TMF1: variants seen among roughly 807,000 people sequenced by gnomAD.
TMF1 encodes the protein TATA element modulatory factor.
Under a neutral mutation model 126.5 loss-of-function variants are expected in TMF1, and 71 were observed. That is an observed-to-expected ratio of 0.56 (90% confidence interval 0.46 to 0.68). The LOEUF is 0.68. Ranked by LOEUF, TMF1 falls within the 30% of genes least tolerant of loss-of-function variation. The pLI is 0.00. For missense variants in TMF1, 1,259 were observed against 1,253.2 expected, an observed-to-expected ratio of 1.00 and a Z score of -0.07; for synonymous variants, 461 against 430.5, an observed-to-expected ratio of 1.07 and a Z score of -0.88.
chr3:69,044,520 G>C lies in TMF1; in HGVS notation c.1423C>G (p.Leu475Val). Residue 475 changes from leucine to valine, a missense_variant, in exon 3 of 17, where the codon CTA becomes GTA. Coordinates refer to ENST00000398559, the MANE Select transcript of TMF1 (RefSeq NM_007114.3). Reference protein sequence around the residue: ...LLSLSKEKALLEEAFDNLKDE... With the variant: ...LLSLSKEKALVEEAFDNLKDE... ...TTCAGGTTATCAAAAGCTTCTTCTA[G>C]AAGTGCTTTTTCCTTACTAAGAGAT... 1 of 1,597,330 alleles carries C rather than the reference G, an allele frequency of 6.3e-7. No homozygotes were observed. Among genetic ancestry groups the C allele is most frequent in the South Asian group, 1.1e-5 (1 of 87,402 alleles).
chr3:69,049,856 T>G (rs1280144695), intron 1 of TMF1, among the ~76,000 whole-genome samples: 1 of 152,238 alleles, frequency 6.6e-6, no homozygotes, highest in Non-Finnish European at 1.5e-5. Flanking sequence ...AATTAAAATG[T>G]GGCTGAACAA....
chr3:69,027,881 C>T lies in TMF1; in HGVS notation c.2757+19G>A, dbSNP rs193275199. 5.3e-4 allele frequency: 751 copies of T among 1,408,496 alleles called. 5 individuals carry two copies. The African/African-American group carries it at 9.5e-3, about 18-fold the overall frequency. 87.2% of individuals were successfully genotyped at this position (1,408,496 alleles called of 1,614,324 possible). On this transcript the variant is annotated intron_variant, in intron 13 of 16. Coordinates refer to ENST00000398559, the MANE Select transcript of TMF1 (RefSeq NM_007114.3). ...ACTAAATGGTTACACCACAAACAAACAAAAACAAAATTCAATACCTTTTCT... is the reference window on the plus strand; with the variant it reads ...ACTAAATGGTTACACCACAAACAAATAAAAACAAAATTCAATACCTTTTCT...
At chr3:69,047,122 T>C (rs2091899713) in intron 2 of TMF1, among the ~76,000 whole-genome samples, 1 of 152,182 alleles carries the variant, frequency 6.6e-6, no homozygotes, top group African/African-American at 2.4e-5. Context: ...GATGAAAACT[T>C]TCATGCTTAA....
intron 6 of TMF1, 83 bp from the exon 7 acceptor site, chr3:69,039,092 T>G: frequency 9.1e-7 from 1 of 1,095,542 alleles, no homozygotes; most frequent in Middle Eastern, 3.1e-4. Flanking sequence ...TCTATAATAA[T>G]GGAGAAAAAT....
At chr3:69,049,188 T>C (rs1251324024) in intron 1 of TMF1, among the ~76,000 whole-genome samples, 1 of 152,104 alleles carries the variant, frequency 6.6e-6, no homozygotes, top group Non-Finnish European at 1.5e-5. Flanking sequence ...CTGGGCAACA[T>C]AGTGAGACCC....
intron 2 of TMF1, among the ~76,000 whole-genome samples, chr3:69,046,399 T>A (rs2091896503): frequency 6.6e-6 from 1 of 152,202 alleles, no homozygotes. Context: ...TAGTGCTGGT[T>A]TCTAAGAATT....
chr3:69,045,021 G>C (rs1002549171), intron 2 of TMF1, among the ~76,000 whole-genome samples: 2 of 152,230 alleles, frequency 1.3e-5, no homozygotes, highest in African/African-American at 4.8e-5. Flanking sequence ...GAAGAAGGGA[G>C]ATGGATGCAA....
chr3:69,041,618 A>T (rs1356570575), intron 5 of TMF1, among the ~76,000 whole-genome samples: 1 of 152,192 alleles, frequency 6.6e-6, no homozygotes, highest in Non-Finnish European at 1.5e-5. Flanking sequence ...ATACCCATAT[A>T]ATGGACTTTA....
chr3:69,022,451 A>G lies in TMF1; in HGVS notation c.*726T>C, dbSNP rs754480255. 2 of 152,598 alleles carry G rather than the reference A, an allele frequency of 1.3e-5. No individual in the cohort carries two copies. Among genetic ancestry groups the G allele is most frequent in the Non-Finnish European group, 2.9e-5 (2 of 67,978 alleles). 9.5% of individuals were successfully genotyped at this position (152,598 alleles called of 1,614,324 possible). A position where few individuals can be genotyped will look rare whatever the true frequency, so the allele number is the denominator to read the frequency against. On this transcript the variant is annotated 3_prime_UTR_variant, in exon 17 of 17. Coordinates refer to ENST00000398559, the MANE Select transcript of TMF1 (RefSeq NM_007114.3). The stretch of plus-strand genomic sequence containing the variant: ...TCATTATAAATAAATTTTCTCCATT[A>G]TCCAATCACATCTAGATAACATTGA...
At chr3:69,024,233 C>T (rs1371762310) in intron 15 of TMF1, 53 bp from the exon 16 acceptor site, 2 of 1,423,906 alleles carry the variant, frequency 1.4e-6, no homozygotes, top group Non-Finnish European at 1.9e-6. Flanking sequence ...TTTTTTAATA[C>T]TCCCAGTAAT....
intron 8 of TMF1, 34 bp downstream of exon 8, chr3:69,038,530 T>C: frequency 6.3e-7 from 1 of 1,598,342 alleles, no homozygotes; most frequent in Non-Finnish European, 8.5e-7. Context: ...ACAAATATTT[T>C]TAAAACTACT....
chr3:69,051,851 G>C (rs2091931746), intron 1 of TMF1, 94 bp downstream of exon 1: 1 of 1,398,940 alleles, frequency 7.1e-7, no homozygotes, highest in South Asian at 1.4e-5. Context: ...AACTCTCTCA[G>C]CAAGGAAGGA....
chr3:69,023,030 A>C lies in TMF1; in HGVS notation c.*147T>G. The C allele has an allele frequency of 1.7e-6, 1 of 581,574 alleles. No individual in the cohort carries two copies. Among genetic ancestry groups the C allele is most frequent in the Non-Finnish European group, 2.9e-6 (1 of 345,894 alleles). The allele number at this position is 581,574 out of a possible 1,614,324, so 36.0% of individuals were successfully genotyped here. A position where few individuals can be genotyped will look rare whatever the true frequency, so the allele number is the denominator to read the frequency against. The stretch of plus-strand genomic sequence containing the variant: ...ATAATTTAACTGTAAATATTACTAC[A>C]TAGTGTAAAACAATTTTAAAAAAAT... On this transcript the variant is annotated 3_prime_UTR_variant, in exon 17 of 17. Coordinates refer to ENST00000398559, the MANE Select transcript of TMF1 (RefSeq NM_007114.3).
intron 16 of TMF1, among the ~76,000 whole-genome samples, 192 bp from the exon 17 acceptor site, chr3:69,023,512 C>A (rs1413914570): frequency 6.6e-6 from 1 of 151,908 alleles, no homozygotes; most frequent in Non-Finnish European, 1.5e-5. Flanking sequence ...AAGAAAAAAA[C>A]CAAGCTAGAT....
At chr3:69,025,905 G>T (rs1287630576) in intron 14 of TMF1, 91 bp downstream of exon 14, 4 of 1,211,870 alleles carry the variant, frequency 3.3e-6, no homozygotes, top group Non-Finnish European at 4.7e-6. Context: ...CCATAGAATG[G>T]CAAGGTCATG....
intron 1 of TMF1, among the ~76,000 whole-genome samples, chr3:69,050,253 G>C (rs1559636790): frequency 1.4e-5 from 2 of 145,960 alleles, no homozygotes; most frequent in African/African-American, 5.1e-5. Flanking sequence ...GAGTGAGACT[G>C]TGTCTCAAAA....
rs137901758 is a variant in TMF1 at position 69,038,423 on chromosome 3, G to T, written c.2151+141C>A. 276 of 950,880 alleles carry T rather than the reference G, an allele frequency of 2.9e-4. No homozygotes were observed. The African/African-American group carries it at 3.5e-3, about 12-fold the overall frequency. 58.9% of individuals were successfully genotyped at this position (950,880 alleles called of 1,614,324 possible). A position where few individuals can be genotyped will look rare whatever the true frequency, so the allele number is the denominator to read the frequency against. On this transcript the variant is annotated intron_variant, in intron 8 of 16. Coordinates refer to ENST00000398559, the MANE Select transcript of TMF1 (RefSeq NM_007114.3). ...TTAACAGTTTTAAAAAACACAACTG[G>T]TTAAATTTAGCAGAATCCAGTACTC...
chr3:69,026,201 A>T, intron 13 of TMF1, 104 bp from the exon 14 acceptor site: 1 of 740,996 alleles, frequency 1.3e-6, no homozygotes, highest in Non-Finnish European at 2.3e-6. Context: ...TCAGTCTTTT[A>T]AAAAAGCCAC....
intron 9 of TMF1, 193 bp from the exon 10 acceptor site, chr3:69,033,897 C>T (rs556110039): frequency 8.5e-6 from 4 of 472,278 alleles, no homozygotes; most frequent in Non-Finnish European, 1.4e-5. Context: ...GTGGCACAAT[C>T]GTGGCTCACT....
Sources: gnomAD v4.1 joint callset for allele counts (sites outside exome capture counted in the v4.1 genomes callset) on GRCh38, gnomAD v4.1.1 for gene constraint, MANE v1.5 for transcripts, NCBI Gene and HGNC (gene_info 2026-07-23, HGNC 2026-07-21) for gene names.